Variants in CEP76 observed in about 807,000 individuals in gnomAD.
CEP76 encodes the protein centrosomal protein of 76 kDa.
In CEP76, 55 loss-of-function variants were observed where a neutral mutation model predicts 83.3. The observed-to-expected ratio is 0.66, with a 90% CI of 0.53 to 0.83. The LOEUF (loss-of-function observed/expected upper bound fraction) is 0.83, where lower values mean the gene tolerates loss of function less well. Ranked by LOEUF, CEP76 falls within the 40% of genes least tolerant of loss-of-function variation. The pLI, the probability that CEP76 is intolerant of heterozygous loss-of-function variation, is 0.00. For synonymous variants in CEP76, 270 were observed against 274.5 expected (o/e 0.98, Z 0.16); for missense variants, 694 against 799.5 (o/e 0.87, Z 1.59).
chr18:12,663,157 C>T (rs1369678403), intron 12 of CEP76, among the ~76,000 whole-genome samples: 1 of 152,176 alleles, frequency 6.6e-6, no homozygotes, highest in African/African-American at 2.4e-5. Flanking sequence ...TTTCCTATAA[C>T]ACAAACTTTC....
chr18:12,662,181 C>G, intron 12 of CEP76: 1 of 433,174 alleles, frequency 2.3e-6, no homozygotes, highest in Non-Finnish European at 4.6e-6. Context: ...TAGAAAAGTG[C>G]ACCAGAAAGG....
At chr18:12,671,086 T>C (rs1300514120), downstream of CEP76, 5 of 151,200 alleles carry the variant, frequency 3.3e-5, no homozygotes, top group Non-Finnish European at 7.4e-5. Context: ...GAATATTTAT[T>C]ATACATAAAA....
At chr18:12,695,851 T>TA (rs1598658745) in intron 5 of CEP76, among the ~76,000 whole-genome samples, 3 of 110,680 alleles carry the variant, frequency 2.7e-5, no homozygotes, top group East Asian at 2.8e-4. Context: ...TCATTCCTTC[T>TA]CCACACACAC....
At chr18:12,683,620 G>A (rs1363341908) in intron 8 of CEP76, among the ~76,000 whole-genome samples, 3 of 150,930 alleles carry the variant, frequency 2.0e-5, no homozygotes, top group African/African-American at 4.9e-5. Flanking sequence ...GGGTGGTGGC[G>A]GGCACCTGTA....
chr18:12,674,478 C>T, intron 11 of CEP76, 58 bp downstream of exon 11: 2 of 1,313,592 alleles, frequency 1.5e-6, no homozygotes, highest in Non-Finnish European at 2.2e-6. Flanking sequence ...AAAACCCCTG[C>T]CGGACTGATC....
At chr18:12,691,133 T>A in intron 7 of CEP76, 4 of 383,882 alleles carry the variant, frequency 1.0e-5, no homozygotes, top group Non-Finnish European at 1.8e-5. Context: ...AGAAAGGTGA[T>A]TTTTCAAAAA....
At chr18:12,701,279 G>C (rs143537256) in intron 1 of CEP76, among the ~76,000 whole-genome samples, 166 bp from the exon 2 acceptor site, 101 of 152,248 alleles carry the variant, frequency 6.6e-4, no homozygotes, top group African/African-American at 2.4e-3. Context: ...ACAAATTCTA[G>C]AAATAGTCTC....
At position 12,673,396 on chromosome 18, in the gene CEP76, A is replaced by G; in HGVS notation, c.1949T>C (p.Met650Thr). Reference sequence around the variant, plus strand: ...TACCGAGCGATATTTACAAGCAAACATGATCCAAACAGCACATGCAGATTC... The same window carrying G: ...TACCGAGCGATATTTACAAGCAAACGTGATCCAAACAGCACATGCAGATTC... ...YPESACAVWIMFACKYRSVL is the reference protein window; with the variant it reads ...YPESACAVWITFACKYRSVL Residue 650 changes from methionine to threonine, a missense_variant, in exon 12 of 12, where the codon ATG (methionine) becomes ACG (threonine). Coordinates refer to ENST00000262127, the MANE Select transcript of CEP76 (RefSeq NM_024899.4). 1 of 1,607,610 alleles carries G rather than the reference A, an allele frequency of 6.2e-7. No homozygotes were observed. The highest frequency in any genetic ancestry group is 1.1e-5 in the South Asian group (1 of 89,782).
intron 7 of CEP76, among the ~76,000 whole-genome samples, chr18:12,690,447 A>AC (rs1236846370): frequency 6.6e-6 from 1 of 151,426 alleles, no homozygotes; most frequent in East Asian, 1.9e-4. Context: ...CGTGAACCTG[A>AC]CCACATTTTT....
chr18:12,701,636 G>C (rs777957087), intron 1 of CEP76, among the ~76,000 whole-genome samples: 3 of 152,264 alleles, frequency 2.0e-5, no homozygotes, highest in Non-Finnish European at 2.9e-5. Flanking sequence ...CACCATAAAT[G>C]GTCGCTTTTA....
intron 5 of CEP76, among the ~76,000 whole-genome samples, chr18:12,695,595 G>A (rs1289628655): frequency 6.6e-6 from 1 of 151,922 alleles, no homozygotes; most frequent in Admixed American, 6.6e-5. Context: ...TCTTTAAGTA[G>A]AGATGGGGTC....
chr18:12,662,208 A>G (rs1033634507), intron 12 of CEP76: 5 of 442,884 alleles, frequency 1.1e-5, no homozygotes, highest in Non-Finnish European at 2.2e-5. Context: ...AAAAAACAGC[A>G]TATTTTTTAA....
chr18:12,691,973 C>T (rs1311280374), intron 6 of CEP76, among the ~76,000 whole-genome samples: 1 of 152,040 alleles, frequency 6.6e-6, no homozygotes, highest in African/African-American at 2.4e-5. Flanking sequence ...CCCGCCTTGG[C>T]CTCCCAAAGT....
At position 12,701,094 on chromosome 18, in the gene CEP76, A is replaced by G; in HGVS notation, c.83T>C (p.Ile28Thr). 6.2e-7 allele frequency: 1 copy of G among 1,612,964 alleles called. No individual in the cohort carries two copies. The highest frequency in any genetic ancestry group is 8.5e-7 in the Non-Finnish European group (1 of 1,179,448). The change falls in exon 2 of 12, where the codon ATA becomes ACA. Residue 28 changes from isoleucine (I) to threonine (T), a missense_variant. Coordinates refer to ENST00000262127, the MANE Select transcript of CEP76 (RefSeq NM_024899.4). ...TATAGTCTCAGCAAGGATTTCTCTT[A>G]TTCTACCATGGACATCCATCTATGT... is the stretch of plus-strand genomic sequence containing the variant. The part of the protein sequence containing the change: ...QLSKMDVHGR[I>T]REILAETIRE...
At position 12,674,706 on chromosome 18, in the gene CEP76, T is replaced by C; in HGVS notation, c.1671A>G (p.Leu557=). 6.2e-7 allele frequency: 1 copy of C among 1,614,028 alleles called. No homozygotes were observed. The highest frequency in any genetic ancestry group is 8.5e-7 in the Non-Finnish European group (1 of 1,179,998). The change falls in exon 11 of 12, where the codon TTA becomes TTG. Residue 557 remains leucine, a synonymous_variant. Transcript: ENST00000262127. ...ATTCATAAGAAGCCAAAGCTGGTGA[T>C]AAAAGGTAGGAGAGCTGGTCTTCCC... ...TVWEDQLSYL[L]SPALASYEFE... is the part of the protein sequence containing the mutation.
intron 10 of CEP76, 135 bp from the exon 11 acceptor site, chr18:12,674,888 A>T (rs1041540458): frequency 1.9e-5 from 10 of 519,376 alleles, no homozygotes; most frequent in Admixed American, 7.4e-5. Context: ...TAATAATAAT[A>T]ATTATAGGGA....
chr18:12,698,625 T>C (rs986196102), intron 4 of CEP76, among the ~76,000 whole-genome samples: 2 of 152,156 alleles, frequency 1.3e-5, no homozygotes, highest in Admixed American at 1.3e-4. Context: ...AAAAGTTACA[T>C]AACATCATCA....
At chr18:12,672,589 G>C (rs1316753044), downstream of CEP76, 27 of 899,584 alleles carry the variant, frequency 3.0e-5, no homozygotes, top group Non-Finnish European at 3.5e-5. Context: ...TAGAATCCAT[G>C]AAGAGGCTAA....
chr18:12,668,724 C>A (rs1198251955), downstream of CEP76, among the ~76,000 whole-genome samples: 6 of 139,218 alleles, frequency 4.3e-5, no homozygotes, highest in South Asian at 2.4e-4. Flanking sequence ...TAGCAAGATA[C>A]ACTTTATTCC....
Sources: allele counts gnomAD v4.1 joint callset (sites outside exome capture counted in the v4.1 genomes callset), GRCh38; gene constraint gnomAD v4.1.1; transcripts MANE v1.5; gene names NCBI Gene and HGNC (gene_info 2026-07-23, HGNC 2026-07-21).